Variants in NUMB observed in about 807,000 individuals in gnomAD.
NUMB encodes protein numb homolog.
NUMB carries 29 observed loss-of-function variants against 59.7 expected under a neutral mutation model. The observed-to-expected ratio is 0.49, with a 90% CI of 0.36 to 0.66. The LOEUF (loss-of-function observed/expected upper bound fraction) is 0.66, where lower values mean the gene tolerates loss of function less well. NUMB is among the 30% of genes least tolerant of loss of function. The pLI, the probability that NUMB is intolerant of heterozygous loss-of-function variation, is 0.00. For missense variants in NUMB, 723 were observed against 822.0 expected (o/e 0.88, Z 1.47); for synonymous variants, 288 against 288.2 (o/e 1.00, Z 0.01).
intron 2 of NUMB, among the ~76,000 whole-genome samples, chr14:73,379,868 C>T (rs1895145695): frequency 6.6e-6 from 1 of 152,154 alleles, no homozygotes; most frequent in Non-Finnish European, 1.5e-5. Context: ...GTTTCAGAGG[C>T]CATTCCAAGT....
chr14:73,405,435 C>CTTTTT (rs56778084), intron 2 of NUMB, among the ~76,000 whole-genome samples: 4 of 127,412 alleles, frequency 3.1e-5, no homozygotes, highest in African/African-American at 3.2e-5. Context: ...TTTTCTTTCT[C>CTTTTT]TTTTTTTTTT....
chr14:73,300,804 C>G lies in NUMB; in HGVS notation c.235-3519G>C, dbSNP rs183942799. ...ATATCTCCTAATGCTATTCCTCCCCCCTCCCCTCACCCCACAACAGGCCTC... is the reference window on the plus strand; with the variant it reads ...ATATCTCCTAATGCTATTCCTCCCCGCTCCCCTCACCCCACAACAGGCCTC... On this transcript the variant is annotated intron_variant, in intron 6 of 12. Coordinates refer to ENST00000555238, the MANE Select transcript of NUMB (RefSeq NM_001005743.2). Among the ~76,000 whole-genome samples, 606 of 152,182 alleles carry G rather than the reference C, an allele frequency of 4.0e-3. 2 individuals are homozygous for G. The highest frequency in any genetic ancestry group is 6.6e-3 in the Non-Finnish European group (446 of 68,010).
intron 1 of NUMB, among the ~76,000 whole-genome samples, chr14:73,426,182 G>A (rs748039864): frequency 2.0e-5 from 3 of 151,946 alleles, no homozygotes; most frequent in Non-Finnish European, 2.9e-5. Context: ...AGGCCAAGAT[G>A]GTACAGTAAA....
chr14:73,441,849 G>A (rs892192075), intron 1 of NUMB, among the ~76,000 whole-genome samples: 5 of 151,764 alleles, frequency 3.3e-5, no homozygotes, highest in African/African-American at 1.2e-4. Context: ...CTCCAGCTTG[G>A]GTGACAGACC....
chr14:73,316,489 CAA>C, intron 5 of NUMB, 67 bp from the exon 6 acceptor site: 2 of 1,431,956 alleles, frequency 1.4e-6, no homozygotes, highest in Non-Finnish European at 2.0e-6. Context: ...AGTTTCACAC[CAA>C]TAAGCACATA....
intron 1 of NUMB, among the ~76,000 whole-genome samples, chr14:73,440,683 T>G (rs1394204385): frequency 6.6e-6 from 1 of 151,322 alleles, no homozygotes; most frequent in Non-Finnish European, 1.5e-5. Flanking sequence ...TACAAAAAAT[T>G]AGCCGGGTGT....
intron 1 of NUMB, among the ~76,000 whole-genome samples, chr14:73,425,989 T>C (rs1731888878): frequency 6.6e-6 from 1 of 152,054 alleles, no homozygotes; most frequent in Non-Finnish European, 1.5e-5. Context: ...TTTGTATTTT[T>C]AGTAGATACA....
At chr14:73,308,113 T>C (rs1275592163) in intron 6 of NUMB, among the ~76,000 whole-genome samples, 2 of 151,970 alleles carry the variant, frequency 1.3e-5, no homozygotes, top group African/African-American at 2.4e-5. Context: ...GCAGGGGTAG[T>C]AGGATGCTAG....
chr14:73,418,187 G>A (rs1007302192), intron 1 of NUMB, among the ~76,000 whole-genome samples: 2 of 152,026 alleles, frequency 1.3e-5, no homozygotes, highest in Admixed American at 6.6e-5. Context: ...CTGCCACAAA[G>A]ATGAACCTTG....
intron 1 of NUMB, among the ~76,000 whole-genome samples, chr14:73,428,979 T>C (rs1307867097): frequency 2.0e-5 from 3 of 151,996 alleles, no homozygotes; most frequent in Non-Finnish European, 2.9e-5. Flanking sequence ...AATCAAGATA[T>C]AGAACAGATA....
rs1893557752 is a variant in NUMB at position 73,353,169 on chromosome 14, C to A, written c.126+2457G>T. Reference sequence around the variant, plus strand: ...GTGTGATCTGGGCTCACTGCCACCTCCACCTCCCAGGTTCAAGCAATTCTC... The same window carrying A: ...GTGTGATCTGGGCTCACTGCCACCTACACCTCCCAGGTTCAAGCAATTCTC... On this transcript the variant is annotated intron_variant, in intron 4 of 12. Transcript: ENST00000555238. 2.1e-5 allele frequency among the ~76,000 whole-genome samples: 3 copies of A among 139,974 alleles called. No homozygotes were observed. In the South Asian group the frequency reaches 7.0e-4, roughly 33 times the overall value. The allele number at this position is 139,974 out of a possible 152,430, so 91.8% of individuals were successfully genotyped here.
chr14:73,435,233 C>A (rs949361784), intron 1 of NUMB, among the ~76,000 whole-genome samples: 1 of 151,160 alleles, frequency 6.6e-6, no homozygotes, highest in Admixed American at 6.6e-5. Flanking sequence ...ACGGTATAAC[C>A]ATTCCATGGT....
Position 73,277,314 on chromosome 14 carries a change from G to A in NUMB, c.1241-21C>T. The A allele has an allele frequency of 1.9e-6, 3 of 1,556,618 alleles. No homozygotes were observed. The African/African-American group carries it at 4.1e-5, about 21-fold the overall frequency. On this transcript the variant is annotated intron_variant, in intron 12 of 12. Transcript: ENST00000555238. Reference sequence around the variant, plus strand: ...GGTCCCTGGAACCAACAAGATGAGAGACAAAAGAATCAGTTAGGGGCATCT... The same window carrying A: ...GGTCCCTGGAACCAACAAGATGAGAAACAAAAGAATCAGTTAGGGGCATCT...
intron 9 of NUMB, chr14:73,285,094 T>C (rs1438637142): frequency 2.0e-5 from 3 of 152,200 alleles, no homozygotes. Flanking sequence ...GTGATCCACC[T>C]GCCTCCGCCT....
At chr14:73,389,427 A>T (rs1193865290) in intron 2 of NUMB, among the ~76,000 whole-genome samples, 1 of 151,650 alleles carries the variant, frequency 6.6e-6, no homozygotes, top group Non-Finnish European at 1.5e-5. Context: ...GGTTCAAGCG[A>T]TTCTCCTGCC....
At chr14:73,377,994 TAC>T (rs61489875) in intron 2 of NUMB, among the ~76,000 whole-genome samples, 50,585 of 146,264 alleles carry the variant, frequency 0.35, 9,951 homozygotes, top group East Asian at 0.67. Context: ...TATATACACA[TAC>T]ACACACACAC....
At chr14:73,438,391 G>A (rs1431328217) in intron 1 of NUMB, among the ~76,000 whole-genome samples, 1 of 152,130 alleles carries the variant, frequency 6.6e-6, no homozygotes, top group Non-Finnish European at 1.5e-5. Context: ...AGCACTTTGG[G>A]AGGCCGAGGC....
intron 2 of NUMB, among the ~76,000 whole-genome samples, chr14:73,403,781 C>A (rs537699785): frequency 9.9e-5 from 15 of 152,080 alleles, no homozygotes; most frequent in African/African-American, 2.7e-4. Flanking sequence ...CATGGCAAAA[C>A]CCTGTCTCTA....
At chr14:73,288,512 T>C (rs370332013) in intron 8 of NUMB, among the ~76,000 whole-genome samples, 1 of 151,854 alleles carries the variant, frequency 6.6e-6, no homozygotes, top group South Asian at 2.1e-4. Context: ...GATGGCGCCA[T>C]TGCACTCCAG....
Sources: allele counts gnomAD v4.1 joint callset (sites outside exome capture counted in the v4.1 genomes callset), GRCh38; gene constraint gnomAD v4.1.1; transcripts MANE v1.5; gene names NCBI Gene and HGNC (gene_info 2026-07-23, HGNC 2026-07-21).